Variants in PLCE1 observed in about 807,000 individuals in gnomAD.
The protein encoded by PLCE1 is phospholipase C epsilon 1.
In PLCE1, 119 loss-of-function variants were observed where a neutral mutation model predicts 242.8. The ratio of observed to expected loss-of-function variants is 0.49; its 90% CI spans 0.42 to 0.57. The LOEUF (loss-of-function observed/expected upper bound fraction) is 0.57. Ranked by LOEUF, PLCE1 falls within the 20% of genes least tolerant of loss-of-function variation. The pLI is 0.00. For synonymous variants in PLCE1, 945 were observed against 1,017.4 expected, an observed-to-expected ratio of 0.93 and a Z score of 1.35; for missense variants, 2,441 against 2,788.8, an observed-to-expected ratio of 0.88 and a Z score of 2.81.
chr10:94,021,422 T>G (rs1253013051), intron 1 of PLCE1, among the ~76,000 whole-genome samples: 1 of 151,638 alleles, frequency 6.6e-6, no homozygotes, highest in Non-Finnish European at 1.5e-5. Context: ...TAATCCCTTA[T>G]GAATTAATAT....
intron 21 of PLCE1, 77 bp from the exon 22 acceptor site, chr10:94,284,771 G>C: frequency 1.2e-6 from 1 of 819,304 alleles, no homozygotes; most frequent in Non-Finnish European, 2.2e-6. Context: ...GAGGAGGACA[G>C]ATAAAAGAGC....
chr10:94,234,626 G>A (rs1215692271), intron 6 of PLCE1, among the ~76,000 whole-genome samples: 2 of 152,186 alleles, frequency 1.3e-5, no homozygotes, highest in Non-Finnish European at 2.9e-5. Context: ...GGAATGTCTG[G>A]ATGCAGGGGA....
intron 1 of PLCE1, among the ~76,000 whole-genome samples, chr10:94,022,269 T>C (rs2061387318): frequency 1.3e-5 from 2 of 152,008 alleles, no homozygotes; most frequent in Admixed American, 1.3e-4. Context: ...AAATAACATT[T>C]AAGATAATTT....
At chr10:94,260,802 C>T (rs1194413276) in intron 13 of PLCE1, among the ~76,000 whole-genome samples, 1 of 152,058 alleles carries the variant, frequency 6.6e-6, no homozygotes, top group African/African-American at 2.4e-5. Flanking sequence ...GTGCAGGGAT[C>T]TTAGGCATGA....
At chr10:94,072,726 T>C (rs1279751432) in intron 2 of PLCE1, among the ~76,000 whole-genome samples, 1 of 152,216 alleles carries the variant, frequency 6.6e-6, no homozygotes, top group Non-Finnish European at 1.5e-5. Flanking sequence ...ACTTACTTAT[T>C]TTTTGTTATG....
At chr10:94,144,175 C>T (rs2047049258) in intron 3 of PLCE1, among the ~76,000 whole-genome samples, 4 of 152,290 alleles carry the variant, frequency 2.6e-5, no homozygotes, top group African/African-American at 7.2e-5. Context: ...GGTTGACCAG[C>T]TTGTAGGAGC....
chr10:94,107,234 A>C (rs938349494), intron 2 of PLCE1: 1 of 152,220 alleles, frequency 6.6e-6, no homozygotes, highest in Non-Finnish European at 1.5e-5. Flanking sequence ...AGGAACAAAG[A>C]GTTACAAAGG....
chr10:94,058,141 A>C (rs2043955935), intron 2 of PLCE1, among the ~76,000 whole-genome samples: 1 of 152,226 alleles, frequency 6.6e-6, no homozygotes, highest in Non-Finnish European at 1.5e-5. Context: ...ACAATTAACA[A>C]TGTCAAAGAG....
At chr10:94,308,269 G>A (rs1264072500) in intron 26 of PLCE1, among the ~76,000 whole-genome samples, 1 of 152,184 alleles carries the variant, frequency 6.6e-6, no homozygotes, top group African/African-American at 2.4e-5. Flanking sequence ...TTGTAAAACA[G>A]GGACTGTTAG....
intron 4 of PLCE1, among the ~76,000 whole-genome samples, chr10:94,178,652 C>T (rs554408426): frequency 6.6e-6 from 1 of 152,240 alleles, no homozygotes; most frequent in African/African-American, 2.4e-5. Context: ...AAAGAAGAGC[C>T]GTTTGAGCTT....
At chr10:94,320,255 T>TC (rs1396617298) in intron 29 of PLCE1, among the ~76,000 whole-genome samples, 1 of 151,238 alleles carries the variant, frequency 6.6e-6, no homozygotes, top group Non-Finnish European at 1.5e-5. Flanking sequence ...GCTCATCTCT[T>TC]CCCCCCCTTC....
At chr10:94,044,655 G>A (rs1370706639) in intron 2 of PLCE1, among the ~76,000 whole-genome samples, 1 of 152,198 alleles carries the variant, frequency 6.6e-6, no homozygotes, top group East Asian at 1.9e-4. Context: ...TGGGCACAAA[G>A]CTCATGCCAA....
At chr10:94,018,835 A>C (rs904075267) in intron 1 of PLCE1, among the ~76,000 whole-genome samples, 5 of 152,222 alleles carry the variant, frequency 3.3e-5, no homozygotes, top group African/African-American at 1.2e-4. Flanking sequence ...AATGTTAAGA[A>C]TCATTTAGCT....
intron 4 of PLCE1, among the ~76,000 whole-genome samples, chr10:94,207,522 T>C (rs1280018985): frequency 7.4e-6 from 1 of 135,308 alleles, no homozygotes; most frequent in South Asian, 2.2e-4. Context: ...TACGTGTGTG[T>C]GTGTGTGTGT....
intron 2 of PLCE1, among the ~76,000 whole-genome samples, chr10:94,060,946 G>T (rs963308974): frequency 1.3e-5 from 2 of 151,840 alleles, no homozygotes; most frequent in Admixed American, 1.3e-4. Context: ...TCATCCACCC[G>T]CCTCGGCCTC....
intron 2 of PLCE1, among the ~76,000 whole-genome samples, chr10:94,116,128 A>C (rs1163374058): frequency 6.6e-6 from 1 of 151,926 alleles, no homozygotes; most frequent in African/African-American, 2.4e-5. Context: ...CCTTTTCTTC[A>C]AAATTCTATC....
chr10:94,044,196 T>G (rs1161805407), intron 2 of PLCE1, among the ~76,000 whole-genome samples: 1 of 152,220 alleles, frequency 6.6e-6, no homozygotes, highest in African/African-American at 2.4e-5. Context: ...GCTACCATGT[T>G]TTGGAAATGT....
At chr10:94,075,207 C>G (rs575875408) in intron 2 of PLCE1, among the ~76,000 whole-genome samples, 1 of 152,180 alleles carries the variant, frequency 6.6e-6, no homozygotes, top group Non-Finnish European at 1.5e-5. Flanking sequence ...AGCAGAATGG[C>G]TAGTTAGTCA....
At chr10:94,235,359 C>T (rs75058806) in intron 6 of PLCE1, among the ~76,000 whole-genome samples, 76 of 152,330 alleles carry the variant, frequency 5.0e-4, no homozygotes, top group Non-Finnish European at 8.7e-4. Context: ...AACTCCACAT[C>T]TCTTATCCCA....
Sources: allele counts gnomAD v4.1 joint callset (sites outside exome capture counted in the v4.1 genomes callset), GRCh38; gene constraint gnomAD v4.1.1; transcripts MANE v1.5; gene names NCBI Gene and HGNC (gene_info 2026-07-23, HGNC 2026-07-21).